SCEL: variants seen among roughly 807,000 people sequenced by gnomAD.
SCEL encodes sciellin.
Under a neutral mutation model 117.6 loss-of-function variants are expected in SCEL, and 113 were observed. That is an observed-to-expected ratio of 0.96 (90% CI 0.83 to 1.12). The LOEUF is 1.12. SCEL is among the 50% of genes most tolerant of loss of function. SCEL has a pLI of 0.00. For synonymous variants in SCEL, 270 were observed against 256.2 expected (o/e 1.05, Z -0.51); for missense variants, 785 against 810.8 (o/e 0.97, Z 0.39).
intron 16 of SCEL, chr13:77,602,423 C>T: frequency 2.1e-6 from 1 of 484,304 alleles, no homozygotes; most frequent in Non-Finnish European, 3.6e-6. Context: ...GACAAAATTG[C>T]ACAGCGAGAG....
chr13:77,573,740 C>T (rs184699033), intron 9 of SCEL, among the ~76,000 whole-genome samples: 18 of 152,132 alleles, frequency 1.2e-4, no homozygotes, highest in African/African-American at 4.3e-4. Flanking sequence ...ATAACTAAAT[C>T]AAATTACTGA....
intron 5 of SCEL, among the ~76,000 whole-genome samples, chr13:77,564,715 A>G (rs2085188806): frequency 6.6e-6 from 1 of 152,174 alleles, no homozygotes; most frequent in Admixed American, 6.5e-5. Context: ...CAAAAATGGC[A>G]CCTACTGGGT....
At chr13:77,599,608 T>G in intron 14 of SCEL, 81 bp from the exon 15 acceptor site, 1 of 1,053,610 alleles carries the variant, frequency 9.5e-7, no homozygotes, top group Non-Finnish European at 1.5e-6. Flanking sequence ...TGGAGAATGT[T>G]TATTGCATTT....
At chr13:77,580,400 CG>C (rs1291092079) in intron 9 of SCEL, among the ~76,000 whole-genome samples, 2 of 152,102 alleles carry the variant, frequency 1.3e-5, no homozygotes, top group African/African-American at 4.8e-5. Flanking sequence ...ATTTGCCGGA[CG>C]TGAGCCAATG....
chr13:77,591,079 TATATC>T (rs1163027377), intron 10 of SCEL, among the ~76,000 whole-genome samples: 2 of 152,172 alleles, frequency 1.3e-5, no homozygotes, highest in Admixed American at 6.5e-5. Context: ...TTTAAAATGT[TATATC>T]ATTATCTGAT....
At chr13:77,576,609 G>C (rs1374385323) in intron 9 of SCEL, among the ~76,000 whole-genome samples, 2 of 152,278 alleles carry the variant, frequency 1.3e-5, no homozygotes, top group Admixed American at 6.5e-5. Context: ...AAAGACACCA[G>C]AAACTCAATG....
chr13:77,617,971 A>T, intron 26 of SCEL, 33 bp from the exon 27 acceptor site: 1 of 1,606,962 alleles, frequency 6.2e-7, no homozygotes, highest in South Asian at 1.1e-5. Flanking sequence ...TCTATTACCA[A>T]TCTGAACTTT....
rs1278489935 is a variant in SCEL at position 77,569,371 on chromosome 13, G to A, written c.399G>A (p.Leu133=). Residue 133 remains leucine, a splice_region_variant and synonymous_variant, in exon 8 of 33, where the codon TTG becomes TTA. Transcript: ENST00000349847. ...AATTGTTGTTCTTGTCATTAAACAG[G>A]CAACCTGGCGGTTCATTGAATGCCA... ...SMFRSLEVTK[L]QPGGSLNANT... is the part of the protein sequence containing the mutation. The A allele has an allele frequency of 6.2e-7, 1 of 1,612,798 alleles. No homozygotes were observed. The highest frequency in any genetic ancestry group is 8.5e-7 in the Non-Finnish European group (1 of 1,178,938).
intron 12 of SCEL, 63 bp downstream of exon 12, chr13:77,593,636 C>T: frequency 8.1e-7 from 1 of 1,228,116 alleles, no homozygotes; most frequent in South Asian, 1.3e-5. Flanking sequence ...AATGCTTAAC[C>T]ACACCTTTAA....
intron 11 of SCEL, among the ~76,000 whole-genome samples, chr13:77,592,745 G>A (rs913026673): frequency 6.6e-6 from 1 of 151,942 alleles, no homozygotes; most frequent in African/African-American, 2.4e-5. Context: ...AAATTTGTAT[G>A]TGGAGATGGG....
intron 8 of SCEL, among the ~76,000 whole-genome samples, chr13:77,570,751 A>G (rs2085552014): frequency 6.6e-6 from 1 of 152,232 alleles, no homozygotes; most frequent in Non-Finnish European, 1.5e-5. Flanking sequence ...ATGTGAGGAC[A>G]TCTTTCTAAT....
Position 77,576,188 on chromosome 13 carries a change from A to G in SCEL, c.545+3999A>G, listed in dbSNP as rs567646891. 6.0e-4 allele frequency among the ~76,000 whole-genome samples: 91 copies of G among 152,264 alleles called. No individual in the cohort carries two copies. The South Asian group carries it at 0.01, about 17-fold the overall frequency. The stretch of plus-strand genomic sequence containing the variant: ...CCTATCACCATTAGTTCATGGAAAC[A>G]GCTCTCCCTAAGTCACTGATGACCT... On this transcript the variant is annotated intron_variant, in intron 9 of 32. Transcript: ENST00000349847.
At chr13:77,558,219 C>T (rs1743034588) in intron 3 of SCEL, among the ~76,000 whole-genome samples, 1 of 152,094 alleles carries the variant, frequency 6.6e-6, no homozygotes. Flanking sequence ...GGCATGCTTT[C>T]CCAGGAAAAC....
intron 11 of SCEL, among the ~76,000 whole-genome samples, chr13:77,592,562 CTTTTT>C (rs10693960): frequency 7.5e-6 from 1 of 133,334 alleles, no homozygotes. Context: ...CTTCTTCTTC[CTTTTT>C]TTTTTTTTTT....
intron 1 of SCEL, among the ~76,000 whole-genome samples, chr13:77,552,238 T>C (rs1407142494): frequency 6.7e-5 from 10 of 148,866 alleles, no homozygotes; most frequent in Admixed American, 1.3e-4. Context: ...TCAAATGGTA[T>C]TTCTAGTTCT....
intron 16 of SCEL, 71 bp from the exon 17 acceptor site, chr13:77,602,583 T>C (rs925276302): frequency 1.1e-5 from 15 of 1,339,862 alleles, no homozygotes; most frequent in Non-Finnish European, 1.5e-5. Flanking sequence ...TCAGGGACAT[T>C]CTTGATTATA....
At chr13:77,556,841 T>G (rs2084688042) in intron 3 of SCEL, 128 bp downstream of exon 3, 1 of 689,810 alleles carries the variant, frequency 1.4e-6, no homozygotes, top group African/African-American at 1.8e-5. Context: ...GGTCTAATTT[T>G]TGGTGAGACT....
chr13:77,552,071 T>C (rs1036910039), intron 1 of SCEL, among the ~76,000 whole-genome samples: 5 of 151,890 alleles, frequency 3.3e-5, no homozygotes, highest in Admixed American at 6.6e-5. Context: ...ATATGTGCCA[T>C]ATTTTCTTAA....
chr13:77,569,330 G>A (rs1159944395), intron 7 of SCEL, 41 bp from the exon 8 acceptor site: 1 of 1,506,434 alleles, frequency 6.6e-7, no homozygotes, highest in Non-Finnish European at 9.2e-7. Context: ...AAATGAAAAA[G>A]TTTGAGAGTG....
Sources: allele counts gnomAD v4.1 joint callset (sites outside exome capture counted in the v4.1 genomes callset), GRCh38; gene constraint gnomAD v4.1.1; transcripts MANE v1.5; gene names NCBI Gene and HGNC (gene_info 2026-07-23, HGNC 2026-07-21).